The following ADA2 variants were observed in gnomAD, a reference collection of about 807,000 sequenced individuals.
ADA2 encodes adenosine deaminase CECR1.
In ADA2, 29 loss-of-function variants were observed where a neutral mutation model predicts 44.2. The ratio of observed to expected loss-of-function variants is 0.66; its 90% CI spans 0.49 to 0.89. ADA2 has a LOEUF of 0.89. Ranked by LOEUF, ADA2 falls within the 40% of genes least tolerant of loss-of-function variation. The probability of loss-of-function intolerance (pLI) is 0.00; values close to 1 mark genes in which losing one functional copy is unlikely to be tolerated. For synonymous variants in ADA2, 215 were observed against 234.9 expected (o/e 0.92, Z 0.77); for missense variants, 637 against 644.8 (o/e 0.99, Z 0.13).
chr22:17,199,446 T>TCCCTCCCCACCACTATCCACTTCCCCA, intron 4 of ADA2: 2 of 917,622 alleles, frequency 2.2e-6, no homozygotes, highest in Non-Finnish European at 3.5e-6. Context: ...CCTCTTCCCC[T>TCCCTCCCCACCACTATCCACTTCCCCA]CCACCCACGA....
chr22:17,221,203 G>A (rs927136930), upstream of ADA2, among the ~76,000 whole-genome samples: 4 of 151,894 alleles, frequency 2.6e-5, no homozygotes, highest in African/African-American at 9.7e-5. Flanking sequence ...AGAATGCACC[G>A]CAAGTAATAA....
chr22:17,199,453 AC>A, intron 4 of ADA2: 1 of 357,182 alleles, frequency 2.8e-6, no homozygotes, highest in Non-Finnish European at 4.4e-6. Flanking sequence ...CCCTCCACCC[AC>A]GAAGATCCCA....
rs374311287 is a variant in ADA2 at position 17,189,841 on chromosome 22, G to A, written c.972+101C>T. The A allele has an allele frequency of 3.6e-5, 29 of 797,930 alleles. No individual in the cohort carries two copies. The East Asian group carries it at 5.1e-4, about 14-fold the overall frequency. The allele number at this position is 797,930 out of a possible 1,614,324, so 49.4% of individuals were successfully genotyped here. ...GCCCTGGGATGTCAGGGTACCAACA[G>A]GCACATTGCGCTCCCTTCCCAGGGA... On this transcript the variant is annotated intron_variant, in intron 6 of 9. Coordinates refer to ENST00000399837, the MANE Select transcript of ADA2 (RefSeq NM_001282225.2).
intron 4 of ADA2, among the ~76,000 whole-genome samples, chr22:17,202,773 CT>C (rs1555886608): frequency 1.7e-4 from 23 of 132,670 alleles, no homozygotes; most frequent in Admixed American, 1.5e-4. Flanking sequence ...TCCTTTCTTT[CT>C]TTTTTTTTTT....
At chr22:17,218,691 G>C (rs1164497460) in intron 1 of ADA2, among the ~76,000 whole-genome samples, 1 of 152,144 alleles carries the variant, frequency 6.6e-6, no homozygotes, top group Non-Finnish European at 1.5e-5. Context: ...CAGGCTGCCA[G>C]ACAGAAGTTT....
chr22:17,187,680 AAAG>A (rs1416098820), intron 7 of ADA2, among the ~76,000 whole-genome samples: 28 of 141,646 alleles, frequency 2.0e-4, no homozygotes, highest in East Asian at 6.4e-4. Context: ...AAAAAAAAAA[AAAG>A]AAGAAGAAGA....
intron 1 of ADA2, among the ~76,000 whole-genome samples, chr22:17,218,750 C>A (rs916249572): frequency 2.6e-5 from 4 of 152,210 alleles, no homozygotes; most frequent in Admixed American, 2.6e-4. Context: ...TAAAAACAAT[C>A]CTTATTCACA....
chr22:17,209,394 C>A lies in ADA2; in HGVS notation c.284G>T (p.Arg95Ile). Residue 95 changes from arginine to isoleucine, a missense_variant, in exon 2 of 10, where the codon AGA becomes ATA. Arg to Ile is a moderately conservative substitution (Grantham distance 97). Coordinates refer to ENST00000399837, the MANE Select transcript of ADA2 (RefSeq NM_001282225.2). ...CCTTAGAATATTAAACACTTGACTT[C>A]TCTCAATGAGATGCTTGGCCTGGAA... ...HFFQAKHLIE[R>I]SQVFNILRMM... 6.2e-7 allele frequency: 1 copy of A among 1,614,114 alleles called. No homozygotes were observed. The highest frequency in any genetic ancestry group is 1.1e-5 in the South Asian group (1 of 91,080).
At chr22:17,214,241 A>T in intron 1 of ADA2, 1 of 418,346 alleles carries the variant, frequency 2.4e-6, no homozygotes, top group South Asian at 2.1e-5. Flanking sequence ...GGTATATTCT[A>T]GAAACATGGC....
Position 17,191,783 on chromosome 22 carries a change from C to G in ADA2, c.781G>C (p.Asp261His). Residue 261 changes from aspartate (D) to histidine (H), a missense_variant, in exon 5 of 10, where the codon GAC becomes CAC. Coordinates refer to ENST00000399837, the MANE Select transcript of ADA2 (RefSeq NM_001282225.2). Reference sequence around the variant, plus strand: ...TAAGTCTTCACTGACCACTCTTCGTCATGGTGCTCTCCACTGAGCTCATAC... The same window carrying G: ...TAAGTCTTCACTGACCACTCTTCGTGATGGTGCTCTCCACTGAGCTCATAC... Reference protein sequence around the residue: ...PVYELSGEHHDEEWSVKTYQE... With the variant: ...PVYELSGEHHHEEWSVKTYQE... The G allele has an allele frequency of 1.9e-6, 3 of 1,613,804 alleles. No individual in the cohort carries two copies. The highest frequency in any genetic ancestry group is 2.2e-5 in the South Asian group (2 of 91,058).
intron 1 of ADA2, among the ~76,000 whole-genome samples, chr22:17,212,207 A>G (rs2062426561): frequency 6.6e-6 from 1 of 151,736 alleles, no homozygotes; most frequent in Non-Finnish European, 1.5e-5. Context: ...TTATATTTTT[A>G]ATAGAGATGG....
At chr22:17,208,356 G>A (rs181508214) in intron 2 of ADA2, among the ~76,000 whole-genome samples, 206 of 149,624 alleles carry the variant, frequency 1.4e-3, no homozygotes, top group Non-Finnish European at 2.5e-3. Flanking sequence ...CCTGGAAGAA[G>A]GATGTTGCAG....
intron 1 of ADA2, among the ~76,000 whole-genome samples, chr22:17,216,807 G>GAC (rs2062479005): frequency 1.4e-5 from 2 of 147,992 alleles, no homozygotes; most frequent in African/African-American, 4.9e-5. Context: ...TAGAGAGAGA[G>GAC]ACTCAAATAA....
chr22:17,190,285 T>C (rs2062098919), intron 5 of ADA2, among the ~76,000 whole-genome samples: 1 of 152,126 alleles, frequency 6.6e-6, no homozygotes, highest in Non-Finnish European at 1.5e-5. Flanking sequence ...GAAAAGTAGA[T>C]GGGGTCAGAG....
upstream of ADA2, among the ~76,000 whole-genome samples, chr22:17,220,448 AT>A (rs1385505487): frequency 3.3e-5 from 5 of 152,176 alleles, no homozygotes; most frequent in Non-Finnish European, 7.3e-5. Context: ...GAAAATGTGG[AT>A]AATAAAAGCA....
In ADA2 at chr22:17,209,682, A is replaced by C. The variant is rs748782975; in HGVS notation, c.-5T>G. 1.2e-6 allele frequency: 2 copies of C among 1,609,726 alleles called. No homozygotes were observed. Among genetic ancestry groups the C allele is most frequent in the South Asian group, 2.2e-5 (2 of 90,940 alleles). ...AGATGGGCCATCCACCAACATCGGG[A>C]TGCCTGGACTAGGAAAGGGCTCAGA... On this transcript the variant is annotated 5_prime_UTR_variant, in exon 2 of 10. Coordinates refer to ENST00000399837, the MANE Select transcript of ADA2 (RefSeq NM_001282225.2).
intron 4 of ADA2, among the ~76,000 whole-genome samples, chr22:17,195,528 C>A (rs1601442594): frequency 6.7e-6 from 1 of 149,352 alleles, no homozygotes; most frequent in Non-Finnish European, 1.5e-5. Flanking sequence ...GACTCCGTCT[C>A]AAAAAAAAAC....
At chr22:17,219,294 C>T (rs1356407022) in intron 1 of ADA2, 62 bp downstream of exon 1, 5 of 152,354 alleles carry the variant, frequency 3.3e-5, no homozygotes, top group African/African-American at 7.2e-5. Context: ...AGCCCAAGCT[C>T]CGGACTTCCC....
At chr22:17,203,475 T>G in intron 4 of ADA2, 88 bp downstream of exon 4, 1 of 1,083,102 alleles carries the variant, frequency 9.2e-7, no homozygotes, top group Non-Finnish European at 1.4e-6. Context: ...AGTGGTCAAT[T>G]CATGAGCATT....
Sources: allele counts gnomAD v4.1 joint callset (sites outside exome capture counted in the v4.1 genomes callset), GRCh38; gene constraint gnomAD v4.1.1; transcripts MANE v1.5; gene names NCBI Gene and HGNC (gene_info 2026-07-23, HGNC 2026-07-21).